PIP4P2: variants seen among roughly 807,000 people sequenced by gnomAD.
The protein encoded by PIP4P2 is phosphatidylinositol-4,5-bisphosphate 4-phosphatase 2, also known as type 2 phosphatidylinositol 4,5-bisphosphate 4-phosphatase.
In PIP4P2, 19 loss-of-function variants were observed where a neutral mutation model predicts 33.3. The ratio of observed to expected loss-of-function variants is 0.57; its 90% confidence interval spans 0.40 to 0.84. The LOEUF (loss-of-function observed/expected upper bound fraction) is 0.84, where lower values mean the gene tolerates loss of function less well. Among genes scored for constraint, PIP4P2 ranks in the 40% least tolerant of loss-of-function variants. The pLI is 0.00. For missense variants in PIP4P2, 270 were observed against 324.7 expected (o/e 0.83, Z 1.29); for synonymous variants, 110 against 111.9 (o/e 0.98, Z 0.11).
intron 4 of PIP4P2, among the ~76,000 whole-genome samples, chr8:91,017,830 AG>A (rs1479491676): frequency 2.6e-5 from 4 of 152,240 alleles, no homozygotes; most frequent in Non-Finnish European, 5.9e-5. Context: ...ACTAAGTTTA[AG>A]TTAGAAGTAG....
At chr8:91,002,294 T>C (rs1002874300) in intron 5 of PIP4P2, among the ~76,000 whole-genome samples, 2 of 152,136 alleles carry the variant, frequency 1.3e-5, no homozygotes, top group Admixed American at 6.6e-5. Flanking sequence ...TTTTTTATAT[T>C]ACTGCATGTG....
intron 5 of PIP4P2, among the ~76,000 whole-genome samples, chr8:91,002,106 C>T (rs1048200352): frequency 6.6e-6 from 1 of 152,172 alleles, no homozygotes; most frequent in East Asian, 1.9e-4. Flanking sequence ...AGTATTCTAA[C>T]CCCGCTACCT....
At chr8:91,038,718 A>G (rs1351600440) in intron 1 of PIP4P2, among the ~76,000 whole-genome samples, 2 of 152,222 alleles carry the variant, frequency 1.3e-5, no homozygotes, top group Non-Finnish European at 2.9e-5. Flanking sequence ...TATTCTGTCA[A>G]AATGCAAATA....
intron 5 of PIP4P2, among the ~76,000 whole-genome samples, chr8:91,000,656 G>C (rs1811688334): frequency 6.6e-6 from 1 of 151,772 alleles, no homozygotes; most frequent in Non-Finnish European, 1.5e-5. Context: ...TTGAAAATAT[G>C]CCTTTTGTCT....
intron 1 of PIP4P2, among the ~76,000 whole-genome samples, chr8:91,028,983 G>A (rs188464831): frequency 2.6e-5 from 4 of 152,114 alleles, no homozygotes; most frequent in Admixed American, 6.5e-5. Context: ...TGGATTAATC[G>A]AATTTTATTT....
chr8:91,040,394 T>C (rs377743833), intron 1 of PIP4P2, among the ~76,000 whole-genome samples: 87,984 of 149,554 alleles, frequency 0.59, 26,778 homozygotes, highest in Middle Eastern at 0.71. Context: ...ACACACACCA[T>C]CACCACCACC....
intron 2 of PIP4P2, 99 bp from the exon 3 acceptor site, chr8:91,020,362 T>C (rs990030870): frequency 3.3e-5 from 33 of 1,011,596 alleles, no homozygotes; most frequent in Non-Finnish European, 1.1e-5. Flanking sequence ...TTAAAACTAA[T>C]GAAATATATT....
intron 5 of PIP4P2, among the ~76,000 whole-genome samples, chr8:91,006,087 C>G (rs1233284179): frequency 6.6e-6 from 1 of 152,150 alleles, no homozygotes; most frequent in Admixed American, 6.5e-5. Flanking sequence ...ACTTCTGTAA[C>G]TTAAAACTAA....
intron 3 of PIP4P2, among the ~76,000 whole-genome samples, chr8:91,019,313 T>C (rs1222324309): frequency 7.3e-6 from 1 of 137,898 alleles, no homozygotes; most frequent in Non-Finnish European, 1.5e-5. Context: ...TGGTGGCTCA[T>C]GCCTGTAATC....
rs571397448 is a variant in PIP4P2, at chr8:91,023,310, T to C, written c.107-1906A>G. Among the ~76,000 whole-genome samples the C allele has an allele frequency of 2.2e-4, 34 of 152,090 alleles. No individual in the cohort carries two copies. The East Asian group carries it at 6.4e-3, about 28-fold the overall frequency. On this transcript the variant is annotated intron_variant, in intron 1 of 6. Transcript: ENST00000285419. ...CTCTCGTAATCCCAGGTCTCTATCT[T>C]ACACAGTATGATAGAAAGGAAACTT...
chr8:91,032,676 G>A (rs866750773), intron 1 of PIP4P2, among the ~76,000 whole-genome samples: 1 of 151,750 alleles, frequency 6.6e-6, no homozygotes, highest in East Asian at 2.0e-4. Flanking sequence ...ATCTACTTGG[G>A]AGGCTGAGGA....
intron 1 of PIP4P2, among the ~76,000 whole-genome samples, chr8:91,035,791 G>A (rs376185962): frequency 3.3e-5 from 5 of 152,224 alleles, no homozygotes; most frequent in African/African-American, 7.2e-5. Flanking sequence ...CACTTTGGGA[G>A]GCCAAGGCAG....
At position 91,040,833 on chromosome 8, in the gene PIP4P2, G is replaced by C; in HGVS notation, c.-84C>G. On this transcript the variant is annotated 5_prime_UTR_variant, in exon 1 of 7. Transcript: ENST00000285419. Reference sequence around the variant, plus strand: ...GGTGGCTACTGCTGCTGCCTCTGCTGCCGCTGCTGCCGCTGCAGCTGCTGC... The same window carrying C: ...GGTGGCTACTGCTGCTGCCTCTGCTCCCGCTGCTGCCGCTGCAGCTGCTGC... 1 of 1,225,368 alleles carries C rather than the reference G, an allele frequency of 8.2e-7. No homozygotes were observed. The highest frequency in any genetic ancestry group is 1.2e-6 in the Non-Finnish European group (1 of 863,408). 75.9% of individuals were successfully genotyped at this position (1,225,368 alleles called of 1,614,324 possible).
chr8:91,019,666 T>C (rs1811976754), intron 3 of PIP4P2, among the ~76,000 whole-genome samples: 2 of 151,142 alleles, frequency 1.3e-5, no homozygotes, highest in East Asian at 3.9e-4. Flanking sequence ...CTTTAATCCC[T>C]AGGCCCAAAT....
chr8:91,040,074 G>A (rs186215273), intron 1 of PIP4P2, among the ~76,000 whole-genome samples: 516 of 152,170 alleles, frequency 3.4e-3, no homozygotes, highest in Non-Finnish European at 5.9e-3. Context: ...GGAGGGGCAG[G>A]AATTTCAGAC....
chr8:91,032,160 C>G (rs1368217188), intron 1 of PIP4P2, among the ~76,000 whole-genome samples: 1 of 152,136 alleles, frequency 6.6e-6, no homozygotes, highest in Non-Finnish European at 1.5e-5. Flanking sequence ...TCTCTGGACT[C>G]TAAAGGGAGT....
chr8:91,002,922 G>C (rs2130351815), intron 5 of PIP4P2, among the ~76,000 whole-genome samples: 1 of 152,256 alleles, frequency 6.6e-6, no homozygotes, highest in South Asian at 2.1e-4. Flanking sequence ...GGTTGTGTGT[G>C]TAGAGACAGA....
chr8:91,038,031 T>C (rs1459507765), intron 1 of PIP4P2, among the ~76,000 whole-genome samples: 2 of 152,214 alleles, frequency 1.3e-5, no homozygotes, highest in Non-Finnish European at 2.9e-5. Context: ...AGCAATTTCC[T>C]ATGCATGAAT....
At chr8:91,029,621 G>T (rs566776894) in intron 1 of PIP4P2, among the ~76,000 whole-genome samples, 34 of 152,276 alleles carry the variant, frequency 2.2e-4, no homozygotes, top group African/African-American at 7.7e-4. Flanking sequence ...ATAGGCAAGG[G>T]ACTATAGTAG....
Sources: gnomAD v4.1 joint callset for allele counts (sites outside exome capture counted in the v4.1 genomes callset) on GRCh38, gnomAD v4.1.1 for gene constraint, MANE v1.5 for transcripts, NCBI Gene and HGNC (gene_info 2026-07-23, HGNC 2026-07-21) for gene names.